LIMCH1: variants seen among roughly 807,000 people sequenced by gnomAD.
The protein encoded by LIMCH1 is LIM and calponin homology domains-containing protein 1.
Under a neutral mutation model 176.5 loss-of-function variants are expected in LIMCH1, and 113 were observed. The observed-to-expected ratio is 0.64, with a 90% CI of 0.55 to 0.75. The LOEUF (loss-of-function observed/expected upper bound fraction) is 0.75, where lower values mean the gene tolerates loss of function less well. Ranked by LOEUF, LIMCH1 falls within the 30% of genes least tolerant of loss-of-function variation. The pLI is 0.00. For synonymous variants in LIMCH1, 619 were observed against 645.9 expected, an observed-to-expected ratio of 0.96 and a Z score of 0.63; for missense variants, 1,674 against 1,814.9, an observed-to-expected ratio of 0.92 and a Z score of 1.41.
Position 41,619,412 on chromosome 4 carries a change from T to C in LIMCH1, c.430T>C (p.Ser144Pro), listed in dbSNP as rs1332397523. 1.2e-6 allele frequency: 2 copies of C among 1,611,384 alleles called. No individual in the cohort carries two copies. Among genetic ancestry groups the C allele is most frequent in the African/African-American group, 2.7e-5 (2 of 74,898 alleles). Residue 144 changes from serine (S) to proline (P), a missense_variant, in exon 6 of 32, where the codon TCC becomes CCC. Coordinates refer to ENST00000503057, the MANE Select transcript of LIMCH1 (RefSeq NM_001330672.2). ...EYRKSWSTAT[S>P]PLGGERPFSF... is the part of the protein sequence containing the mutation. ...CCGCAAGAGCTGGAGTACCGCCACC[T>C]CCCCGCTGGGTGGGGAGAGGCCCTT...
intron 1 of LIMCH1, among the ~76,000 whole-genome samples, chr4:41,590,161 C>A (rs1008736197): frequency 6.6e-6 from 1 of 152,066 alleles, no homozygotes; most frequent in Non-Finnish European, 1.5e-5. Context: ...GGCACAATCA[C>A]GGCTCACTTC....
chr4:41,583,769 T>TTC (rs199734446), intron 1 of LIMCH1, among the ~76,000 whole-genome samples: 6 of 149,888 alleles, frequency 4.0e-5, no homozygotes, highest in African/African-American at 7.6e-5. Flanking sequence ...TCCACCCAAT[T>TTC]TCTCTCTCTC....
chr4:41,696,869 G>C (rs949877230), intron 31 of LIMCH1, among the ~76,000 whole-genome samples: 1 of 152,108 alleles, frequency 6.6e-6, no homozygotes, highest in African/African-American at 2.4e-5. Flanking sequence ...CTTTGGTTTA[G>C]GGGCAATCCA....
intron 7 of LIMCH1, among the ~76,000 whole-genome samples, chr4:41,621,111 T>C (rs940316580): frequency 2.6e-5 from 4 of 152,238 alleles, no homozygotes; most frequent in Admixed American, 6.5e-5. Flanking sequence ...GAACACTCTC[T>C]TTAGAGAGTG....
chr4:41,644,656 G>T (rs778094789), intron 15 of LIMCH1, 30 bp downstream of exon 15: 5 of 1,587,800 alleles, frequency 3.1e-6, no homozygotes, highest in South Asian at 1.1e-5. Context: ...CGCGGGCAGC[G>T]GGGAGGCTTC....
chr4:41,600,416 G>A (rs1446157929), intron 2 of LIMCH1, among the ~76,000 whole-genome samples: 5 of 152,134 alleles, frequency 3.3e-5, no homozygotes, highest in Admixed American at 6.5e-5. Flanking sequence ...GTGCAGCTTC[G>A]TAGGTAATAA....
intron 31 of LIMCH1, among the ~76,000 whole-genome samples, chr4:41,696,948 G>A (rs966985772): frequency 4.6e-5 from 7 of 152,220 alleles, no homozygotes; most frequent in East Asian, 3.9e-4. Flanking sequence ...TCTGGAATGC[G>A]GCTTAAGAGC....
rs1731603820 is a variant in LIMCH1 at position 41,697,815 on chromosome 4, G to C, written c.*630G>C. 6.6e-6 allele frequency: 1 copy of C among 152,220 alleles called. No homozygotes were observed. Among genetic ancestry groups the C allele is most frequent in the Admixed American group, 6.5e-5 (1 of 15,296 alleles). 9.4% of individuals were successfully genotyped at this position (152,220 alleles called of 1,614,324 possible). On this transcript the variant is annotated 3_prime_UTR_variant, in exon 32 of 32. Coordinates refer to ENST00000503057, the MANE Select transcript of LIMCH1 (RefSeq NM_001330672.2). ...ATAAATTATTGCACCGTTAGTATTA[G>C]ATTCTGTGTACCTTGGAAGTTATGT... is the stretch of plus-strand genomic sequence containing the variant.
chr4:41,379,445 C>T (rs976390680), intron 1 of LIMCH1, among the ~76,000 whole-genome samples: 1 of 152,168 alleles, frequency 6.6e-6, no homozygotes, highest in African/African-American at 2.4e-5. Flanking sequence ...TCACATGTCA[C>T]CATATCTGCC....
At chr4:41,594,570 G>A (rs530447760) in intron 1 of LIMCH1, among the ~76,000 whole-genome samples, 1 of 152,342 alleles carries the variant, frequency 6.6e-6, no homozygotes, top group South Asian at 2.1e-4. Flanking sequence ...TCCAGTGGCT[G>A]CCCTTGCTAG....
intron 2 of LIMCH1, among the ~76,000 whole-genome samples, chr4:41,524,087 TGGTTCCA>T (rs2076379607): frequency 6.6e-6 from 1 of 152,210 alleles, no homozygotes; most frequent in Non-Finnish European, 1.5e-5. Flanking sequence ...TTGTAATACC[TGGTTCCA>T]GTTCCAGATA....
chr4:41,377,851 C>T (rs2054998365), intron 1 of LIMCH1, among the ~76,000 whole-genome samples: 1 of 152,178 alleles, frequency 6.6e-6, no homozygotes, highest in Non-Finnish European at 1.5e-5. Flanking sequence ...GACCCACTCC[C>T]TTGGTAACCC....
chr4:41,533,568 A>G (rs1416098869), upstream of LIMCH1, among the ~76,000 whole-genome samples: 1 of 152,202 alleles, frequency 6.6e-6, no homozygotes, highest in Non-Finnish European at 1.5e-5. Context: ...TACCAAATAG[A>G]GATGATGTGT....
intron 1 of LIMCH1, among the ~76,000 whole-genome samples, chr4:41,435,938 C>T (rs367754016): frequency 4.6e-5 from 7 of 152,158 alleles, no homozygotes; most frequent in Non-Finnish European, 1.0e-4. Flanking sequence ...GTTGCCACTA[C>T]GTGACTCAAA....
chr4:41,415,552 G>A (rs1258566556), intron 1 of LIMCH1, among the ~76,000 whole-genome samples: 1 of 152,140 alleles, frequency 6.6e-6, no homozygotes, highest in African/African-American at 2.4e-5. Context: ...ACCCAGCCTT[G>A]CCCATACAGC....
At chr4:41,375,730 C>T (rs761733576) in intron 1 of LIMCH1, among the ~76,000 whole-genome samples, 1 of 152,236 alleles carries the variant, frequency 6.6e-6, no homozygotes, top group African/African-American at 2.4e-5. Flanking sequence ...CAGCGGCTGT[C>T]GCCCACTGAT....
intron 1 of LIMCH1, among the ~76,000 whole-genome samples, chr4:41,478,089 G>T (rs2068020348): frequency 6.6e-6 from 1 of 152,180 alleles, no homozygotes; most frequent in African/African-American, 2.4e-5. Context: ...AGGGAGTTGA[G>T]CTACTGTGCA....
At chr4:41,426,354 C>T (rs936280324) in intron 1 of LIMCH1, among the ~76,000 whole-genome samples, 8 of 152,166 alleles carry the variant, frequency 5.3e-5, no homozygotes, top group African/African-American at 1.9e-4. Flanking sequence ...CCAGGTGATT[C>T]TTAGTTCTTT....
chr4:41,472,979 C>T (rs62411134), intron 1 of LIMCH1: 1 of 891,902 alleles, frequency 1.1e-6, no homozygotes, highest in Non-Finnish European at 1.3e-6. Context: ...CTGCTGTAAG[C>T]CTTTTTTTTT....
Sources: allele counts gnomAD v4.1 joint callset (sites outside exome capture counted in the v4.1 genomes callset), GRCh38; gene constraint gnomAD v4.1.1; transcripts MANE v1.5; gene names NCBI Gene and HGNC (gene_info 2026-07-23, HGNC 2026-07-21).